The following WDR7 variants were observed in gnomAD, a reference collection of about 807,000 sequenced individuals.
WDR7 encodes WD repeat-containing protein 7.
In WDR7, 46 loss-of-function variants were observed where a neutral mutation model predicts 169.4. That is an observed-to-expected ratio of 0.27 (90% CI 0.21 to 0.35). The LOEUF is 0.35. Among genes scored for constraint, WDR7 ranks in the 10% least tolerant of loss-of-function variants. WDR7 has a pLI of 1.00. For missense variants in WDR7, 1,534 were observed against 1,859.3 expected (o/e 0.83, Z 3.22); for synonymous variants, 612 against 666.8 (o/e 0.92, Z 1.27).
At chr18:56,833,056 G>GT (rs932868736) in intron 20 of WDR7, among the ~76,000 whole-genome samples, 29 of 150,470 alleles carry the variant, frequency 1.9e-4, no homozygotes, top group Non-Finnish European at 4.1e-4. Context: ...AAAGGAGCGT[G>GT]TTCTAACCCA....
At chr18:56,841,849 C>A (rs1273999158) in intron 20 of WDR7, among the ~76,000 whole-genome samples, 1 of 152,082 alleles carries the variant, frequency 6.6e-6, no homozygotes, top group Non-Finnish European at 1.5e-5. Flanking sequence ...TGGATTTTTA[C>A]ATTTCTCTGT....
intron 20 of WDR7, among the ~76,000 whole-genome samples, chr18:56,859,802 C>G (rs2045776814): frequency 6.6e-6 from 1 of 152,096 alleles, no homozygotes; most frequent in Non-Finnish European, 1.5e-5. Flanking sequence ...AAGAATATCC[C>G]TTCTTCATAT....
chr18:56,727,710 G>A (rs553390389), intron 13 of WDR7, among the ~76,000 whole-genome samples: 85 of 152,252 alleles, frequency 5.6e-4, no homozygotes, highest in African/African-American at 2.0e-3. Context: ...GTGACTCAGG[G>A]CGAAACCATA....
At chr18:56,712,382 A>C (rs1431393528) in intron 12 of WDR7, among the ~76,000 whole-genome samples, 4 of 152,226 alleles carry the variant, frequency 2.6e-5, no homozygotes, top group Non-Finnish European at 5.9e-5. Context: ...GCTGTTCAGC[A>C]CTACTGAGGA....
chr18:56,895,522 A>G (rs2046321389), intron 21 of WDR7, among the ~76,000 whole-genome samples: 2 of 151,788 alleles, frequency 1.3e-5, no homozygotes, highest in South Asian at 4.1e-4. Flanking sequence ...TTGTGTGGTT[A>G]AAATAAATTA....
rs759125327 is a variant in WDR7 at position 56,696,261 on chromosome 18, A to C, written c.1377A>C (p.Thr459=). 4 of 1,612,896 alleles carry C rather than the reference A, an allele frequency of 2.5e-6. No homozygotes were observed. The highest frequency in any genetic ancestry group is 1.7e-5 in the Admixed American group (1 of 59,850). ...MLRRGWPPHR[T]LRGHRNKVTC... ...TCACAGGTTGGCCACCTCACAGAAC[A>C]CTCCGTGGTCATCGGAACAAAGTCA... Residue 459 remains threonine (T), a synonymous_variant, in exon 12 of 28, where the codon ACA becomes ACC. Coordinates refer to ENST00000254442, the MANE Select transcript of WDR7 (RefSeq NM_015285.3).
chr18:56,852,533 T>C (rs1292360532), intron 20 of WDR7, among the ~76,000 whole-genome samples: 1 of 152,214 alleles, frequency 6.6e-6, no homozygotes, highest in Non-Finnish European at 1.5e-5. Context: ...ATAGCAATTA[T>C]TGGTTTAGTG....
chr18:56,998,660 C>G (rs1326276280), intron 26 of WDR7, among the ~76,000 whole-genome samples: 2 of 152,118 alleles, frequency 1.3e-5, no homozygotes, highest in African/African-American at 4.8e-5. Flanking sequence ...GATACAATAA[C>G]TGTTAAAATC....
At chr18:56,896,782 G>C in intron 21 of WDR7, among the ~76,000 whole-genome samples, 1 of 151,650 alleles carries the variant, frequency 6.6e-6, no homozygotes, top group South Asian at 2.1e-4. Flanking sequence ...TTCATAAATA[G>C]GTGACAGAAT....
intron 20 of WDR7, among the ~76,000 whole-genome samples, chr18:56,858,581 G>C (rs1400121853): frequency 2.0e-5 from 3 of 152,004 alleles, no homozygotes; most frequent in African/African-American, 7.2e-5. Flanking sequence ...ATCCCCTAAG[G>C]TGCTGGGATT....
In WDR7 at chr18:56,881,174, G is replaced by GCTGC. The variant is rs551198269; in HGVS notation, c.3526+1011_3526+1014dup. Among the ~76,000 whole-genome samples the GCTGC allele has an allele frequency of 1.8e-4, 27 of 152,226 alleles. 1 individual carries two copies. In the East Asian group the frequency reaches 4.2e-3, roughly 24 times the overall value. On this transcript the variant is annotated intron_variant, in intron 21 of 27. Transcript: ENST00000254442. The stretch of plus-strand genomic sequence containing the variant: ...TTATAAAAGCCCTTCAATAGACTTA[G>GCTGC]CTGCCCCTCCTATAACTGTTTTTTG...
At chr18:56,996,734 C>T (rs73446807) in intron 26 of WDR7, among the ~76,000 whole-genome samples, 3,245 of 152,254 alleles carry the variant, frequency 0.021, 116 homozygotes, top group African/African-American at 0.073. Context: ...CTCATTACTT[C>T]CTTCAGCTTT....
chr18:56,902,862 T>A (rs76153284), intron 21 of WDR7, among the ~76,000 whole-genome samples: 118 of 152,328 alleles, frequency 7.7e-4, no homozygotes, highest in African/African-American at 2.8e-3. Context: ...CTCTCATCAC[T>A]GTATCGATAG....
At chr18:56,781,311 T>A (rs1057160095) in intron 18 of WDR7, among the ~76,000 whole-genome samples, 1 of 152,242 alleles carries the variant, frequency 6.6e-6, no homozygotes, top group Admixed American at 6.5e-5. Context: ...TCCATTAGTG[T>A]TAAAATAGTT....
chr18:57,016,683 A>T (rs144363466), intron 26 of WDR7, among the ~76,000 whole-genome samples: 1 of 152,332 alleles, frequency 6.6e-6, no homozygotes, highest in East Asian at 1.9e-4. Flanking sequence ...TTCTTTGCAG[A>T]GCACATTGAA....
intron 25 of WDR7, among the ~76,000 whole-genome samples, chr18:56,961,100 G>T (rs527604823): frequency 3.3e-4 from 51 of 152,250 alleles, no homozygotes; most frequent in African/African-American, 1.2e-3. Context: ...AGTAACAAAA[G>T]TTTAAAAATT....
At chr18:56,761,248 A>T (rs1026348113) in intron 16 of WDR7, among the ~76,000 whole-genome samples, 4 of 152,102 alleles carry the variant, frequency 2.6e-5, no homozygotes, top group Non-Finnish European at 5.9e-5. Flanking sequence ...GAGCTCAGGC[A>T]ATTCACCCAC....
At chr18:56,793,578 G>A (rs1447374986) in intron 19 of WDR7, among the ~76,000 whole-genome samples, 2 of 152,138 alleles carry the variant, frequency 1.3e-5, no homozygotes, top group African/African-American at 4.8e-5. Flanking sequence ...AAGAGATTTT[G>A]TTTCAGATTA....
chr18:56,731,179 A>G (rs1214123282), intron 13 of WDR7, among the ~76,000 whole-genome samples: 1 of 152,154 alleles, frequency 6.6e-6, no homozygotes, highest in Non-Finnish European at 1.5e-5. Context: ...AAGTTGCATC[A>G]GGGACTTTGT....
Sources: gnomAD v4.1 joint callset for allele counts (sites outside exome capture counted in the v4.1 genomes callset) on GRCh38, gnomAD v4.1.1 for gene constraint, MANE v1.5 for transcripts, NCBI Gene and HGNC (gene_info 2026-07-23, HGNC 2026-07-21) for gene names.